IMMP2L: variants seen among roughly 807,000 people sequenced by gnomAD.
IMMP2L encodes mitochondrial inner membrane protease subunit 2.
A neutral mutation model predicts 19.3 loss-of-function variants in IMMP2L; 18 were observed. That is an observed-to-expected ratio of 0.93 (90% CI 0.64 to 1.38). The LOEUF (loss-of-function observed/expected upper bound fraction) is 1.38. IMMP2L is among the 40% of genes most tolerant of loss of function. IMMP2L has a pLI of 0.00. For missense variants in IMMP2L, 233 were observed against 218.2 expected (o/e 1.07, Z -0.43); for synonymous variants, 76 against 73.0 (o/e 1.04, Z -0.21).
chr7:111,400,085 C>T (rs1029574563), intron 3 of IMMP2L, among the ~76,000 whole-genome samples: 1 of 152,092 alleles, frequency 6.6e-6, no homozygotes, highest in Admixed American at 6.5e-5. Flanking sequence ...CAAGACCTCT[C>T]AACGTATCTG....
intron 3 of IMMP2L, among the ~76,000 whole-genome samples, chr7:111,235,095 G>GATTA (rs1414072395): frequency 2.6e-5 from 4 of 152,002 alleles, no homozygotes; most frequent in Non-Finnish European, 5.9e-5. Context: ...GTCTGCCAGT[G>GATTA]ACTAATTTTT....
intron 2 of IMMP2L, among the ~76,000 whole-genome samples, chr7:111,518,263 C>T (rs947202776): frequency 6.6e-6 from 1 of 151,926 alleles, no homozygotes; most frequent in African/African-American, 2.4e-5. Flanking sequence ...TTTGAAAGAC[C>T]GAAAAACAAT....
intron 5 of IMMP2L, among the ~76,000 whole-genome samples, chr7:110,787,333 G>A (rs2131122668): frequency 6.6e-6 from 1 of 152,088 alleles, no homozygotes; most frequent in Non-Finnish European, 1.5e-5. Flanking sequence ...TTTTCTTGAA[G>A]CTTTTATCTC....
chr7:110,718,350 G>A (rs971095002), intron 5 of IMMP2L, among the ~76,000 whole-genome samples: 1 of 152,166 alleles, frequency 6.6e-6, no homozygotes, highest in Non-Finnish European at 1.5e-5. Flanking sequence ...GATATTTGGA[G>A]CAAACCCTGG....
chr7:111,440,736 C>G (rs1225056645), intron 3 of IMMP2L, among the ~76,000 whole-genome samples: 1 of 151,856 alleles, frequency 6.6e-6, no homozygotes, highest in African/African-American at 2.4e-5. Flanking sequence ...ACTTTGAAGC[C>G]ATGCACTGAC....
intron 3 of IMMP2L, among the ~76,000 whole-genome samples, chr7:111,102,784 C>T (rs887477664): frequency 1.3e-5 from 2 of 151,416 alleles, no homozygotes; most frequent in African/African-American, 4.8e-5. Context: ...TAAAAAGCTC[C>T]GAAACCATTC....
chr7:111,073,727 T>A (rs1016161486), intron 3 of IMMP2L, among the ~76,000 whole-genome samples: 14 of 152,222 alleles, frequency 9.2e-5, no homozygotes, highest in African/African-American at 3.4e-4. Context: ...AACTCTCTTT[T>A]CCTGAAATAG....
intron 4 of IMMP2L, among the ~76,000 whole-genome samples, chr7:110,926,312 T>C (rs1814845356): frequency 6.6e-6 from 1 of 152,104 alleles, no homozygotes; most frequent in African/African-American, 2.4e-5. Context: ...GAAGTGACCA[T>C]ATAACAAGTT....
intron 3 of IMMP2L, among the ~76,000 whole-genome samples, chr7:111,236,009 C>T (rs2129626626): frequency 6.6e-6 from 1 of 152,216 alleles, no homozygotes; most frequent in East Asian, 1.9e-4. Flanking sequence ...TAACATTCAT[C>T]TCTAGAATAT....
At chr7:110,723,941 C>G (rs1360211534) in intron 5 of IMMP2L, among the ~76,000 whole-genome samples, 1 of 150,814 alleles carries the variant, frequency 6.6e-6, no homozygotes, top group Non-Finnish European at 1.5e-5. Context: ...AAATATTTAG[C>G]AGAACCATTT....
intron 3 of IMMP2L, among the ~76,000 whole-genome samples, chr7:111,382,416 C>T (rs554070358): frequency 6.6e-6 from 1 of 151,738 alleles, no homozygotes; most frequent in Non-Finnish European, 1.5e-5. Context: ...GAAGGCGATC[C>T]CAATGGTAAG....
chr7:110,775,964 T>TA (rs111907963), intron 5 of IMMP2L, among the ~76,000 whole-genome samples: 38,243 of 150,322 alleles, frequency 0.25, 5,284 homozygotes, highest in African/African-American at 0.37. Flanking sequence ...TACACACATG[T>TA]AAAAAAAAAC....
intron 3 of IMMP2L, among the ~76,000 whole-genome samples, chr7:111,061,649 C>T (rs1221181797): frequency 2.0e-5 from 3 of 152,154 alleles, no homozygotes; most frequent in African/African-American, 7.2e-5. Flanking sequence ...ATGCCAGGCT[C>T]AGGTCTTCGA....
At chr7:111,179,834 T>C (rs1244013038) in intron 3 of IMMP2L, among the ~76,000 whole-genome samples, 1 of 152,092 alleles carries the variant, frequency 6.6e-6, no homozygotes, top group Non-Finnish European at 1.5e-5. Flanking sequence ...CTGTAACTTC[T>C]ATGTCAATAC....
At chr7:111,219,564 GTC>G (rs1812304412) in intron 3 of IMMP2L, among the ~76,000 whole-genome samples, 1 of 151,884 alleles carries the variant, frequency 6.6e-6, no homozygotes, top group African/African-American at 2.4e-5. Context: ...AATTAAGTGA[GTC>G]TCTATTTTTG....
At chr7:111,308,402 G>A (rs1014615885) in intron 3 of IMMP2L, among the ~76,000 whole-genome samples, 6 of 151,894 alleles carry the variant, frequency 4.0e-5, no homozygotes, top group Non-Finnish European at 5.9e-5. Context: ...GATTGAAGAC[G>A]TAGGCAGTGG....
At chr7:110,779,198 CT>C (rs1799581755) in intron 5 of IMMP2L, among the ~76,000 whole-genome samples, 2 of 152,030 alleles carry the variant, frequency 1.3e-5, no homozygotes, top group South Asian at 4.1e-4. Context: ...ATTTTGTCCA[CT>C]TTACAACAGT....
intron 3 of IMMP2L, among the ~76,000 whole-genome samples, chr7:111,486,936 C>T (rs1028927392): frequency 6.6e-6 from 1 of 152,038 alleles, no homozygotes; most frequent in African/African-American, 2.4e-5. Flanking sequence ...TACCAAGATG[C>T]AAAATTTCAA....
chr7:111,025,189 C>T (rs965607334), intron 3 of IMMP2L, among the ~76,000 whole-genome samples: 1 of 152,142 alleles, frequency 6.6e-6, no homozygotes, highest in African/African-American at 2.4e-5. Context: ...AACTCAGGGG[C>T]CTATACGCAC....
Sources: gnomAD v4.1 joint callset for allele counts (sites outside exome capture counted in the v4.1 genomes callset) on GRCh38, gnomAD v4.1.1 for gene constraint, MANE v1.5 for transcripts, NCBI Gene and HGNC (gene_info 2026-07-23, HGNC 2026-07-21) for gene names.